The following WASF1 variants were observed in gnomAD, a reference collection of about 807,000 sequenced individuals.
WASF1 encodes the protein WASP family member 1, also known as actin-binding protein WASF1.
WASF1 carries 7 observed loss-of-function variants against 50.5 expected under a neutral mutation model. That is an observed-to-expected ratio of 0.14 (90% CI 0.08 to 0.26). The LOEUF (loss-of-function observed/expected upper bound fraction) is 0.26. Ranked by LOEUF, WASF1 falls within the 10% of genes least tolerant of loss-of-function variation. The probability of loss-of-function intolerance (pLI) is 1.00; values close to 1 mark genes in which losing one functional copy is unlikely to be tolerated. For missense variants in WASF1, 470 were observed against 694.7 expected (o/e 0.68, Z 3.64); for synonymous variants, 205 against 244.0 (o/e 0.84, Z 1.49).
intron 4 of WASF1, among the ~76,000 whole-genome samples, chr6:110,122,194 G>A (rs1583951407): frequency 8.4e-6 from 1 of 118,680 alleles, no homozygotes; most frequent in Non-Finnish European, 1.7e-5. Flanking sequence ...TAATAAATAA[G>A]AAAGAAAGTA....
At chr6:110,118,347 CAAAAAAAAAAAAAAAAAAAA>C (rs56948481) in intron 4 of WASF1, among the ~76,000 whole-genome samples, 8 of 7,496 alleles carry the variant, frequency 1.1e-3, no homozygotes, top group African/African-American at 3.4e-3. Flanking sequence ...AAACGGAAAG[CAAAAAAAAAAAAAAAAAAAA>C]AAAAAAAAAA....
At chr6:110,114,911 G>T (rs550563816) in intron 4 of WASF1, among the ~76,000 whole-genome samples, 2 of 151,980 alleles carry the variant, frequency 1.3e-5, no homozygotes, top group East Asian at 3.9e-4. Flanking sequence ...GAACAACATG[G>T]TGAAACCCCG....
chr6:110,159,331 A>G (rs1682860376), intron 3 of WASF1, among the ~76,000 whole-genome samples: 2 of 151,976 alleles, frequency 1.3e-5, no homozygotes, highest in South Asian at 2.1e-4. Flanking sequence ...CTGTTGAGTT[A>G]AAGACAGTAA....
chr6:110,136,607 G>T (rs544073737), intron 3 of WASF1, among the ~76,000 whole-genome samples: 1 of 152,210 alleles, frequency 6.6e-6, no homozygotes, highest in South Asian at 2.1e-4. Flanking sequence ...TAATAATATG[G>T]TTTTTGCTTA....
intron 4 of WASF1, among the ~76,000 whole-genome samples, chr6:110,126,269 A>G (rs937005956): frequency 6.6e-6 from 1 of 152,138 alleles, no homozygotes; most frequent in Non-Finnish European, 1.5e-5. Context: ...CACTTTTTTT[A>G]TTAGCCTCAA....
chr6:110,129,179 C>T (rs1774550188), intron 3 of WASF1, among the ~76,000 whole-genome samples: 1 of 152,150 alleles, frequency 6.6e-6, no homozygotes, highest in Admixed American at 6.6e-5. Flanking sequence ...AGTCAATTCA[C>T]CTACAGACAG....
At chr6:110,135,930 C>A (rs974182456) in intron 3 of WASF1, among the ~76,000 whole-genome samples, 10 of 129,948 alleles carry the variant, frequency 7.7e-5, no homozygotes, top group African/African-American at 3.0e-4. Context: ...GTCGCCCAGG[C>A]TAGAGTGCAG....
intron 6 of WASF1, among the ~76,000 whole-genome samples, chr6:110,107,933 A>G (rs1773392102): frequency 1.3e-5 from 2 of 152,006 alleles, no homozygotes; most frequent in Non-Finnish European, 2.9e-5. Flanking sequence ...TTGAGAGGCC[A>G]AGGCGGGTGG....
At chr6:110,150,662 A>G (rs1322212698) in intron 3 of WASF1, among the ~76,000 whole-genome samples, 1 of 152,082 alleles carries the variant, frequency 6.6e-6, no homozygotes, top group African/African-American at 2.4e-5. Flanking sequence ...CAGAAGCAGG[A>G]ATAAAAGATT....
chr6:110,143,077 TAA>T (rs1775334459), intron 3 of WASF1, among the ~76,000 whole-genome samples: 1 of 151,702 alleles, frequency 6.6e-6, no homozygotes, highest in South Asian at 2.1e-4. Flanking sequence ...GTACGTAAAC[TAA>T]AGAATATATC....
In WASF1 at chr6:110,112,900, AAAAAAAAAAC is replaced by A. The variant is rs1192805053; in HGVS notation, c.268+416_268+425del. Reference sequence around the variant, plus strand: ...AGTGACAGAGTGTCTGTCTCAAAAAAAAAAAAAAACAAAAAAAAAACCAGTTACATTCTTG... The same window carrying A: ...AGTGACAGAGTGTCTGTCTCAAAAAAAAAAAAAAAACCAGTTACATTCTTG... On this transcript the variant is annotated intron_variant, in intron 5 of 10. Coordinates refer to ENST00000392589, the MANE Select transcript of WASF1 (RefSeq NM_003931.3). 2.2e-3 allele frequency among the ~76,000 whole-genome samples: 285 copies of A among 129,780 alleles called. 1 individual carries two copies. The highest frequency in any genetic ancestry group is 8.2e-3 in the African/African-American group (245 of 29,866). 85.1% of individuals were successfully genotyped at this position (129,780 alleles called of 152,430 possible).
At chr6:110,120,698 T>C (rs993374905) in intron 4 of WASF1, among the ~76,000 whole-genome samples, 6 of 152,190 alleles carry the variant, frequency 3.9e-5, no homozygotes, top group African/African-American at 7.2e-5. Context: ...TTAAAGTTCA[T>C]ATGGAACAAA....
Position 110,142,952 on chromosome 6 carries a change from T to TAAAA in WASF1, c.-28-15327_-28-15324dup, listed in dbSNP as rs5879060. ...AAAGTAATTTGGTTTCCCAATGATGTAAAAAAAAAAAAAAAAAAAAACTAA... is the reference window on the plus strand; with the variant it reads ...AAAGTAATTTGGTTTCCCAATGATGTAAAAAAAAAAAAAAAAAAAAAAAAACTAA... On this transcript the variant is annotated intron_variant, in intron 3 of 10. Transcript: ENST00000392589. Among the ~76,000 whole-genome samples the TAAAA allele has an allele frequency of 4.8e-4, 57 of 119,136 alleles. 1 individual carries two copies. Among genetic ancestry groups the TAAAA allele is most frequent in the African/African-American group, 1.0e-3 (31 of 29,944 alleles). 78.2% of individuals were successfully genotyped at this position (119,136 alleles called of 152,430 possible). A position where few individuals can be genotyped will look rare whatever the true frequency, so the allele number is the denominator to read the frequency against.
intron 3 of WASF1, among the ~76,000 whole-genome samples, chr6:110,148,450 G>A (rs1367221450): frequency 6.6e-6 from 1 of 152,070 alleles, no homozygotes; most frequent in Non-Finnish European, 1.5e-5. Flanking sequence ...TTTAAATTAA[G>A]AACAAAAGGA....
At chr6:110,130,053 C>G (rs923775711) in intron 3 of WASF1, among the ~76,000 whole-genome samples, 5 of 152,286 alleles carry the variant, frequency 3.3e-5, no homozygotes, top group Admixed American at 3.3e-4. Flanking sequence ...GCTTTAATGA[C>G]TAACAAATGA....
chr6:110,147,238 C>T (rs1227628724), intron 3 of WASF1, among the ~76,000 whole-genome samples: 12 of 150,644 alleles, frequency 8.0e-5, no homozygotes, highest in Admixed American at 2.7e-4. Flanking sequence ...CCCAGCTACT[C>T]GGGAGGCTGA....
At chr6:110,120,668 C>T (rs1392460641) in intron 4 of WASF1, among the ~76,000 whole-genome samples, 2 of 152,258 alleles carry the variant, frequency 1.3e-5, no homozygotes, top group East Asian at 1.9e-4. Context: ...ACTTTCTTCA[C>T]AGAATTGGAA....
chr6:110,122,355 G>A (rs998953317), intron 4 of WASF1, among the ~76,000 whole-genome samples: 1 of 151,914 alleles, frequency 6.6e-6, no homozygotes, highest in African/African-American at 2.4e-5. Flanking sequence ...TTTACAACGT[G>A]AACCCTTCTA....
At chr6:110,116,910 G>A (rs1407076769) in intron 4 of WASF1, among the ~76,000 whole-genome samples, 2 of 152,130 alleles carry the variant, frequency 1.3e-5, no homozygotes, top group Non-Finnish European at 2.9e-5. Context: ...TGGACCTCAA[G>A]CAAACTCCAA....
Sources: gnomAD v4.1 joint callset for allele counts (sites outside exome capture counted in the v4.1 genomes callset) on GRCh38, gnomAD v4.1.1 for gene constraint, MANE v1.5 for transcripts, NCBI Gene and HGNC (gene_info 2026-07-23, HGNC 2026-07-21) for gene names.